SSC5D: variants seen among roughly 807,000 people sequenced by gnomAD.
SSC5D encodes the protein scavenger receptor cysteine rich family member with 5 domains.
SSC5D carries 106 observed loss-of-function variants against 104.6 expected under a neutral mutation model. The ratio of observed to expected loss-of-function variants is 1.01; its 90% CI spans 0.87 to 1.19. SSC5D has a LOEUF of 1.19. Among genes scored for constraint, SSC5D ranks in the 50% most tolerant of loss-of-function variants. SSC5D has a pLI of 0.00. For missense variants in SSC5D, 1,993 were observed against 2,153.8 expected (o/e 0.93, Z 1.48); for synonymous variants, 860 against 883.5 (o/e 0.97, Z 0.47).
Position 55,517,380 on chromosome 19 carries a change from C to T in SSC5D, c.3104C>T (p.Ala1035Val), listed in dbSNP as rs1194818007. The part of the protein sequence containing the change: ...DSSRELTPHS[A>V]LTSEATSDAP... ...AGTCGAGAGCTCACTCCCCACTCAG[C>T]CTTGACGTCCGAGGCGACCTCTGAC... The change falls in exon 14 of 14, where the codon GCC (alanine) becomes GTC (valine). Residue 1035 changes from alanine (A) to valine (V), a missense_variant. Physicochemically the swap from Ala to Val is moderately conservative, Grantham distance 64. This residue lies in a region of SSC5D where 423 missense variants were observed against 409.2 expected (regional missense o/e 1.03). Coordinates refer to ENST00000389623, the MANE Select transcript of SSC5D (RefSeq NM_001144950.2). 6.8e-5 allele frequency: 106 copies of T among 1,550,580 alleles called. 1 individual carries two copies. The highest frequency in any genetic ancestry group is 9.0e-5 in the Non-Finnish European group (103 of 1,146,932).
At chr19:55,493,969 G>A in intron 7 of SSC5D, 57 bp downstream of exon 7, 1 of 465,514 alleles carries the variant, frequency 2.1e-6, no homozygotes, top group Non-Finnish European at 3.2e-6. Context: ...TGGAGCGGAG[G>A]GGCAAGTTCG....
chr19:55,495,348 C>G (rs1245602493), intron 8 of SSC5D, among the ~76,000 whole-genome samples: 1 of 142,770 alleles, frequency 7.0e-6, no homozygotes, highest in African/African-American at 2.6e-5. Flanking sequence ...CCTGCAGGCT[C>G]AAGTGATCCT....
intron 13 of SSC5D, among the ~76,000 whole-genome samples, chr19:55,514,804 A>T (rs1987834691): frequency 6.6e-6 from 1 of 152,180 alleles, no homozygotes; most frequent in Non-Finnish European, 1.5e-5. Context: ...GCTTTGCACA[A>T]CCATGGTCTC....
In SSC5D at chr19:55,517,890, C is replaced by T. The variant is rs1281766239; in HGVS notation, c.3614C>T (p.Pro1205Leu). The T allele has an allele frequency of 1.3e-6, 2 of 1,543,852 alleles. No homozygotes were observed. The highest frequency in any genetic ancestry group is 1.4e-5 in the African/African-American group (1 of 69,842). Residue 1205 changes from proline (P) to leucine (L), a missense_variant, in exon 14 of 14, where the codon CCC (proline) becomes CTC (leucine). Physicochemically the swap from Pro to Leu is moderately conservative, Grantham distance 98 (BLOSUM62 -3). This residue lies in a region of SSC5D where 20 missense variants were observed against 102.5 expected (regional missense o/e 0.20). Coordinates refer to ENST00000389623, the MANE Select transcript of SSC5D (RefSeq NM_001144950.2). ...CCTGACCCCACCACAACCCCTCAACCCTTCACCACCATCACTCACTCCACC... is the reference window on the plus strand; with the variant it reads ...CCTGACCCCACCACAACCCCTCAACTCTTCACCACCATCACTCACTCCACC... ...MIPDPTTTPQ[P>L]FTTITHSTMI... is the part of the protein sequence containing the mutation.
rs1385188719 is a variant in SSC5D, at chr19:55,493,895, C to G, written c.1196C>G (p.Ala399Gly). 5.2e-5 allele frequency: 76 copies of G among 1,472,244 alleles called. No homozygotes were observed. The highest frequency in any genetic ancestry group is 6.9e-5 in the Non-Finnish European group (76 of 1,100,872). The allele number at this position is 1,472,244 out of a possible 1,614,324, so 91.2% of individuals were successfully genotyped here. The change falls in exon 7 of 14, where the codon GCC becomes GGC. Residue 399 changes from alanine (A) to glycine (G), a missense_variant. Transcript: ENST00000389623. ...GQHDCHHREDAGAVCDGMPLG... is the reference protein window; with the variant it reads ...GQHDCHHREDGGAVCDGMPLG... The stretch of plus-strand genomic sequence containing the variant: ...CATGACTGTCACCACCGCGAGGACG[C>G]CGGGGCCGTGTGTGACGGTGAGGGG...
intron 12 of SSC5D, among the ~76,000 whole-genome samples, chr19:55,501,523 A>G (rs1043507939): frequency 2.0e-5 from 3 of 152,082 alleles, no homozygotes; most frequent in Middle Eastern, 3.2e-3. Context: ...TCATCACATC[A>G]TCGTCCCCAC....
chr19:55,510,073 C>T (rs1987723963), intron 12 of SSC5D, among the ~76,000 whole-genome samples: 1 of 152,022 alleles, frequency 6.6e-6, no homozygotes, highest in Non-Finnish European at 1.5e-5. Context: ...TCACAGCTCA[C>T]TGCAACCTCC....
chr19:55,515,946 A>C (rs776297005), intron 13 of SSC5D, among the ~76,000 whole-genome samples: 8 of 152,072 alleles, frequency 5.3e-5, no homozygotes, highest in Non-Finnish European at 8.8e-5. Context: ...TGCAACTTGC[A>C]AACTATGTCT....
chr19:55,497,928 G>A lies in SSC5D; in HGVS notation c.1436G>A (p.Arg479Gln), dbSNP rs1188841169. Residue 479 changes from arginine (R) to glutamine (Q), a missense_variant, in exon 9 of 14, where the codon CGA (arginine) becomes CAA (glutamine). Arg to Gln is a conservative substitution (Grantham distance 43). Transcript: ENST00000389623. The part of the protein sequence containing the change: ...LVAGPSKCSG[R>Q]LEVWHDQRWG... ...GCTGGGCCCAGCAAGTGCTCAGGTC[G>A]ACTGGAGGTGTGGCATGACCAGCGC... is the stretch of plus-strand genomic sequence containing the variant. 2 of 1,550,810 alleles carry A rather than the reference G, an allele frequency of 1.3e-6. No individual in the cohort carries two copies. Among genetic ancestry groups the A allele is most frequent in the Non-Finnish European group, 1.7e-6 (2 of 1,146,278 alleles).
At chr19:55,506,570 A>T (rs898681546) in intron 12 of SSC5D, among the ~76,000 whole-genome samples, 1 of 151,144 alleles carries the variant, frequency 6.6e-6, no homozygotes, top group African/African-American at 2.4e-5. Flanking sequence ...AATTTTTTGT[A>T]TTTTTAGTAG....
chr19:55,496,635 G>A (rs1388531623), intron 8 of SSC5D, among the ~76,000 whole-genome samples: 5 of 152,132 alleles, frequency 3.3e-5, no homozygotes, highest in Admixed American at 6.5e-5. Flanking sequence ...AGGCAGCACC[G>A]CTGAGAAATG....
At chr19:55,509,954 A>G (rs1987721157) in intron 12 of SSC5D, among the ~76,000 whole-genome samples, 1 of 151,672 alleles carries the variant, frequency 6.6e-6, no homozygotes, top group African/African-American at 2.4e-5. Flanking sequence ...GAGAGTACAC[A>G]GGAGGCTGCC....
chr19:55,489,919 TC>T lies in SSC5D; in HGVS notation c.403del (p.Leu135TrpfsTer13). 6.5e-7 allele frequency: 1 copy of T among 1,546,706 alleles called. No individual in the cohort carries two copies. The highest frequency in any genetic ancestry group is 2.5e-5 in the East Asian group (1 of 40,602). ...VANSRDDSTS[P>X]LDGAPWPGLL... Reference sequence around the variant, plus strand: ...CTAACTCCAGGGACGACTCAACATCTCCCCTGGATGGGGCTCCCTGGCCAGG... The same window carrying T: ...CTAACTCCAGGGACGACTCAACATCTCCCTGGATGGGGCTCCCTGGCCAGG... On this transcript the variant is annotated frameshift_variant, in exon 4 of 14. Coordinates refer to ENST00000389623, the MANE Select transcript of SSC5D (RefSeq NM_001144950.2). LOFTEE classifies it high-confidence loss of function.
intron 12 of SSC5D, among the ~76,000 whole-genome samples, chr19:55,507,271 G>A (rs1031446273): frequency 8.0e-5 from 12 of 149,808 alleles, no homozygotes; most frequent in Admixed American, 7.4e-4. Flanking sequence ...TTGGGCCCTG[G>A]AGGTTGAGGC....
intron 3 of SSC5D, 37 bp from the exon 4 acceptor site, chr19:55,489,845 T>A (rs774236201): frequency 1.8e-5 from 27 of 1,532,782 alleles, no homozygotes; most frequent in Non-Finnish European, 2.2e-5. Flanking sequence ...ATTCCCCTCC[T>A]CTCCTCATAG....
intron 9 of SSC5D, among the ~76,000 whole-genome samples, chr19:55,498,526 A>C (rs970004231): frequency 6.6e-6 from 1 of 152,174 alleles, no homozygotes; most frequent in Non-Finnish European, 1.5e-5. Context: ...CCCACTAAGA[A>C]AGGAGCTTTA....
intron 2 of SSC5D, 39 bp downstream of exon 2, chr19:55,489,071 C>G (rs573118992): frequency 6.7e-5 from 74 of 1,096,964 alleles, no homozygotes; most frequent in African/African-American, 4.6e-4. Context: ...CGCCCCCCCC[C>G]CCAGGCCTCC....
chr19:55,510,927 C>T (rs568004101), intron 12 of SSC5D, among the ~76,000 whole-genome samples: 4 of 151,324 alleles, frequency 2.6e-5, no homozygotes, highest in Non-Finnish European at 4.4e-5. Context: ...TACAGGTGCC[C>T]GCCACCATGC....
Position 55,500,746 on chromosome 19 carries a change from G to A in SSC5D, c.2559G>A (p.Ser853=), listed in dbSNP as rs763329051. The A allele has an allele frequency of 3.9e-6, 6 of 1,551,614 alleles. No individual in the cohort carries two copies. The highest frequency in any genetic ancestry group is 1.2e-5 in the South Asian group (1 of 84,056). The part of the protein sequence containing the change: ...GSEASLSDCP[S]GAWGKHNCDH... The stretch of plus-strand genomic sequence containing the variant: ...AGGCCTCACTGAGCGACTGCCCCTC[G>A]GGGGCTTGGGGGAAGCACAACTGTG... Residue 853 remains serine, a synonymous_variant, in exon 11 of 14, where the codon TCG becomes TCA. Coordinates refer to ENST00000389623, the MANE Select transcript of SSC5D (RefSeq NM_001144950.2). The surrounding 1 kb of genome is among the most constrained non-coding windows in gnomAD (Gnocchi z 4.6).
Sources: allele counts gnomAD v4.1 joint callset (sites outside exome capture counted in the v4.1 genomes callset), GRCh38; gene constraint gnomAD v4.1.1; regional missense constraint gnomAD v4.1.1; non-coding constraint Gnocchi (gnomAD v3.1); transcripts MANE v1.5; gene names NCBI Gene and HGNC (gene_info 2026-07-23, HGNC 2026-07-21).